The following NFIA variants were observed in gnomAD, a reference collection of about 807,000 sequenced individuals.
NFIA encodes the protein nuclear factor I A.
A neutral mutation model predicts 62.8 loss-of-function variants in NFIA; 8 were observed. That is an observed-to-expected ratio of 0.13 (90% CI 0.07 to 0.23). The LOEUF (loss-of-function observed/expected upper bound fraction) is 0.23, where lower values mean the gene tolerates loss of function less well. Ranked by LOEUF, NFIA falls within the 10% of genes least tolerant of loss-of-function variation. The probability of loss-of-function intolerance (pLI) is 1.00; values close to 1 mark genes in which losing one functional copy is unlikely to be tolerated. For missense variants in NFIA, 410 were observed against 642.1 expected, an observed-to-expected ratio of 0.64 and a Z score of 3.91; for synonymous variants, 235 against 238.1, an observed-to-expected ratio of 0.99 and a Z score of 0.12.
intron 9 of NFIA, among the ~76,000 whole-genome samples, chr1:61,424,905 G>A (rs1167421904): frequency 1.3e-5 from 2 of 152,184 alleles, no homozygotes; most frequent in African/African-American, 2.4e-5. Context: ...TAAAGGCAGA[G>A]GTATTTCTCA....
chr1:61,317,536 C>T (rs1237749739), intron 3 of NFIA, among the ~76,000 whole-genome samples: 2 of 151,834 alleles, frequency 1.3e-5, no homozygotes, highest in African/African-American at 4.8e-5. Flanking sequence ...AGACTAAGTA[C>T]TGTTATTTCT....
intron 4 of NFIA, among the ~76,000 whole-genome samples, chr1:61,346,350 A>G (rs1002859037): frequency 2.0e-5 from 3 of 152,186 alleles, no homozygotes; most frequent in Non-Finnish European, 4.4e-5. Flanking sequence ...CAATGTGATA[A>G]CCTGGGCAGG....
At chr1:61,122,279 G>A (rs1208057252) in intron 2 of NFIA, among the ~76,000 whole-genome samples, 1 of 152,152 alleles carries the variant, frequency 6.6e-6, no homozygotes, top group Admixed American at 6.5e-5. Context: ...AAACTAACAA[G>A]AGAAGATGGC....
At chr1:61,083,802 C>A (rs1191560972) in intron 1 of NFIA, among the ~76,000 whole-genome samples, 1 of 151,726 alleles carries the variant, frequency 6.6e-6, no homozygotes, top group East Asian at 1.9e-4. Context: ...CGCGCGACTC[C>A]GGCCGCTCCG....
At chr1:61,340,511 A>G (rs11583266) in intron 4 of NFIA, among the ~76,000 whole-genome samples, 8,248 of 152,270 alleles carry the variant, frequency 0.054, 257 homozygotes, top group Admixed American at 0.097. Flanking sequence ...AAGTCCAAGT[A>G]CTGGAAATAG....
chr1:61,096,492 C>T (rs1331797078), intron 2 of NFIA, among the ~76,000 whole-genome samples: 1 of 151,506 alleles, frequency 6.6e-6, no homozygotes, highest in Non-Finnish European at 1.5e-5. Context: ...GCATGAGCCA[C>T]CACGCCTGGC....
At chr1:61,203,397 C>A (rs772830442) in intron 2 of NFIA, among the ~76,000 whole-genome samples, 2 of 152,150 alleles carry the variant, frequency 1.3e-5, no homozygotes, top group Non-Finnish European at 2.9e-5. Context: ...CGGGATGGCT[C>A]ACCACCCTCC....
At chr1:61,405,545 T>C (rs941715469) in intron 8 of NFIA, among the ~76,000 whole-genome samples, 1 of 152,134 alleles carries the variant, frequency 6.6e-6, no homozygotes, top group African/African-American at 2.4e-5. Context: ...CGAATTTTGA[T>C]TGGGGACTAA....
intron 2 of NFIA, among the ~76,000 whole-genome samples, chr1:61,102,628 G>A (rs1027046717): frequency 1.3e-5 from 2 of 152,012 alleles, no homozygotes; most frequent in Admixed American, 6.5e-5. Context: ...ATGATAAATA[G>A]CCTTCAATAA....
At chr1:61,113,751 T>TGTAGA (rs111560074) in intron 2 of NFIA, among the ~76,000 whole-genome samples, 1 of 151,792 alleles carries the variant, frequency 6.6e-6, no homozygotes, top group South Asian at 2.1e-4. Context: ...GAGGCCATGG[T>TGTAGA]GGAGAGAAGA....
At chr1:61,150,880 G>A (rs1391728579) in intron 2 of NFIA, among the ~76,000 whole-genome samples, 3 of 152,154 alleles carry the variant, frequency 2.0e-5, no homozygotes, top group South Asian at 4.1e-4. Flanking sequence ...GAGGTGGGAG[G>A]TGAAGAGAAT....
At chr1:61,131,086 G>A (rs1272384046) in intron 2 of NFIA, among the ~76,000 whole-genome samples, 1 of 150,350 alleles carries the variant, frequency 6.7e-6, no homozygotes. Flanking sequence ...ATCTTCACAC[G>A]AAGCAAGATT....
At chr1:61,079,521 A>G (rs527875421), upstream of NFIA, among the ~76,000 whole-genome samples, 4 of 152,366 alleles carry the variant, frequency 2.6e-5, no homozygotes, top group East Asian at 7.7e-4. Flanking sequence ...AGCAGAGAGC[A>G]TGACAGGAGC....
At chr1:61,129,326 T>G (rs1647033151) in intron 2 of NFIA, among the ~76,000 whole-genome samples, 1 of 152,132 alleles carries the variant, frequency 6.6e-6, no homozygotes, top group African/African-American at 2.4e-5. Context: ...ATTATGTGTA[T>G]ATCAGCCATT....
chr1:61,383,459 A>G (rs1376843442), intron 7 of NFIA, 94 bp downstream of exon 7: 17 of 1,472,826 alleles, frequency 1.2e-5, no homozygotes, highest in Non-Finnish European at 1.6e-5. Flanking sequence ...CCCCCTGAAC[A>G]CTCGTGAGGC....
intron 2 of NFIA, among the ~76,000 whole-genome samples, chr1:61,161,627 A>G (rs559042403): frequency 8.1e-4 from 123 of 151,592 alleles, no homozygotes; most frequent in East Asian, 1.7e-3. Flanking sequence ...ACACGCAGAC[A>G]GTCTCTGACT....
upstream of NFIA, among the ~76,000 whole-genome samples, chr1:61,079,376 A>T (rs986039901): frequency 6.6e-5 from 10 of 152,202 alleles, no homozygotes; most frequent in Non-Finnish European, 1.5e-4. Flanking sequence ...GCTATTTGAG[A>T]TGTACATATA....
intron 2 of NFIA, among the ~76,000 whole-genome samples, chr1:61,238,887 A>G (rs1248348599): frequency 6.6e-6 from 1 of 152,172 alleles, no homozygotes; most frequent in African/African-American, 2.4e-5. Context: ...TATTCCCACG[A>G]TAGCCTTTGT....
At chr1:61,220,205 CTGTT>C (rs975058047) in intron 2 of NFIA, among the ~76,000 whole-genome samples, 4 of 152,132 alleles carry the variant, frequency 2.6e-5, no homozygotes, top group African/African-American at 9.7e-5. Context: ...CTGTCACCTC[CTGTT>C]TGTTTTCAAA....
Sources: allele counts gnomAD v4.1 joint callset (sites outside exome capture counted in the v4.1 genomes callset), GRCh38; gene constraint gnomAD v4.1.1; transcripts MANE v1.5; gene names NCBI Gene and HGNC (gene_info 2026-07-23, HGNC 2026-07-21).